Variants in DLGAP2 observed in about 807,000 individuals in gnomAD.
The protein encoded by DLGAP2 is DLG associated protein 2, also known as disks large-associated protein 2.
In DLGAP2, 26 loss-of-function variants were observed where a neutral mutation model predicts 100.3. The observed-to-expected ratio is 0.26, with a 90% CI of 0.19 to 0.36. The LOEUF (loss-of-function observed/expected upper bound fraction) is 0.36. Ranked by LOEUF, DLGAP2 falls within the 10% of genes least tolerant of loss-of-function variation. The pLI, the probability that DLGAP2 is intolerant of heterozygous loss-of-function variation, is 1.00. For missense variants in DLGAP2, 1,858 were observed against 1,453.2 expected (o/e 1.28, Z -4.53); for synonymous variants, 886 against 630.1 (o/e 1.41, Z -6.08).
At chr8:1,286,858 C>T (rs1287155008) in intron 3 of DLGAP2, among the ~76,000 whole-genome samples, 1 of 152,202 alleles carries the variant, frequency 6.6e-6, no homozygotes, top group Non-Finnish European at 1.5e-5. Context: ...ACTTGATTTG[C>T]ACAAGTGCAT....
At chr8:1,429,486 A>G (rs905353465) in intron 3 of DLGAP2, among the ~76,000 whole-genome samples, 1 of 152,172 alleles carries the variant, frequency 6.6e-6, no homozygotes, top group African/African-American at 2.4e-5. Context: ...TAAGAGATAC[A>G]AAAGGCTGGG....
intron 2 of DLGAP2, among the ~76,000 whole-genome samples, chr8:1,142,065 C>CTT (rs1796530384): frequency 8.4e-6 from 1 of 118,516 alleles, no homozygotes; most frequent in African/African-American, 2.8e-5. Context: ...ATTCTGCCTA[C>CTT]GTATATAAGT....
chr8:1,515,164 T>C (rs1800321643), intron 4 of DLGAP2, among the ~76,000 whole-genome samples: 1 of 152,124 alleles, frequency 6.6e-6, no homozygotes, highest in Non-Finnish European at 1.5e-5. Context: ...GAAGGCAGCC[T>C]TGGAAATCAC....
intron 2 of DLGAP2, among the ~76,000 whole-genome samples, chr8:1,195,030 C>T (rs1432112004): frequency 1.3e-5 from 2 of 152,242 alleles, no homozygotes; most frequent in Non-Finnish European, 2.9e-5. Flanking sequence ...GAAGCTTGGG[C>T]ACACTTTGTT....
At chr8:1,467,265 C>T (rs1041289214) in intron 3 of DLGAP2, among the ~76,000 whole-genome samples, 14 of 152,022 alleles carry the variant, frequency 9.2e-5, no homozygotes, top group African/African-American at 3.4e-4. Flanking sequence ...TCCCCCCAGC[C>T]CCACTGCACC....
intron 3 of DLGAP2, among the ~76,000 whole-genome samples, chr8:1,419,192 ACT>A (rs1357767480): frequency 7.8e-6 from 1 of 128,770 alleles, no homozygotes; most frequent in African/African-American, 2.9e-5. Flanking sequence ...ACTGTGTTAC[ACT>A]CTGATGCGTG....
chr8:976,568 C>T (rs536093332), intron 2 of DLGAP2, among the ~76,000 whole-genome samples: 50 of 152,004 alleles, frequency 3.3e-4, no homozygotes, highest in Non-Finnish European at 5.7e-4. Flanking sequence ...GGCGAGATTG[C>T]GCCACTGCTC....
At chr8:1,081,943 G>T (rs960765439) in intron 2 of DLGAP2, among the ~76,000 whole-genome samples, 1 of 152,124 alleles carries the variant, frequency 6.6e-6, no homozygotes, top group Admixed American at 6.5e-5. Context: ...CCAGGAAAAT[G>T]CCCCCTAAGT....
At position 1,384,859 on chromosome 8, in the gene DLGAP2, AC is replaced by A. The variant is rs1404220032; in HGVS notation, c.107-116506del. Among the ~76,000 whole-genome samples, 195 of 21,606 alleles carry A rather than the reference AC, an allele frequency of 9.0e-3. 42 individuals carry two copies. Among genetic ancestry groups the A allele is most frequent in the East Asian group, 0.039 (4 of 102 alleles). 14.2% of individuals were successfully genotyped at this position (21,606 alleles called of 152,430 possible). ...CCCGGCCTATGCCCGTCCCCTGAGA[AC>A]TTGGTGCACAGTTACCCCGGTCTGT... On this transcript the variant is annotated intron_variant, in intron 3 of 14. Coordinates refer to ENST00000637795, the MANE Select transcript of DLGAP2 (RefSeq NM_001346810.2).
chr8:1,462,877 A>T (rs4484724), intron 3 of DLGAP2, among the ~76,000 whole-genome samples: 3 of 152,078 alleles, frequency 2.0e-5, no homozygotes, highest in Non-Finnish European at 2.9e-5. Flanking sequence ...TAGTTCAAGA[A>T]GGAAATGTTA....
At chr8:880,992 T>C (rs750428864) in intron 1 of DLGAP2, among the ~76,000 whole-genome samples, 1 of 152,194 alleles carries the variant, frequency 6.6e-6, no homozygotes, top group Non-Finnish European at 1.5e-5. Flanking sequence ...GCACAACAGC[T>C]CATGCTTGAT....
intron 6 of DLGAP2, among the ~76,000 whole-genome samples, chr8:1,611,239 G>A (rs1232706428): frequency 1.0e-4 from 12 of 119,772 alleles, no homozygotes; most frequent in South Asian, 3.1e-4. Flanking sequence ...TTCAATATAC[G>A]CAAATCAATA....
intron 3 of DLGAP2, among the ~76,000 whole-genome samples, chr8:1,454,735 G>C (rs1798256575): frequency 1.3e-5 from 2 of 152,174 alleles, no homozygotes; most frequent in African/African-American, 4.8e-5. Context: ...GTGGTTCAAG[G>C]TCATGAGCAG....
chr8:1,047,365 T>A (rs991618947), intron 2 of DLGAP2, among the ~76,000 whole-genome samples: 2 of 152,214 alleles, frequency 1.3e-5, no homozygotes, highest in African/African-American at 4.8e-5. Flanking sequence ...ATTTTGGAAT[T>A]TTTTTTGGAT....
At chr8:1,666,679 C>CA (rs1242127349) in intron 8 of DLGAP2, among the ~76,000 whole-genome samples, 2,108 of 122,390 alleles carry the variant, frequency 0.017, 40 homozygotes, top group African/African-American at 0.053. Flanking sequence ...GACTCCATCT[C>CA]AAAAAAAAAA....
intron 1 of DLGAP2, among the ~76,000 whole-genome samples, chr8:778,676 C>T (rs1426944559): frequency 6.6e-6 from 1 of 152,236 alleles, no homozygotes; most frequent in Non-Finnish European, 1.5e-5. Flanking sequence ...CAGGCACCCA[C>T]TTGAGGAGGC....
intron 6 of DLGAP2, among the ~76,000 whole-genome samples, chr8:1,616,157 A>G (rs1484919197): frequency 1.3e-5 from 2 of 152,198 alleles, no homozygotes; most frequent in Admixed American, 6.5e-5. Context: ...GAGAGCAGGA[A>G]AAAAGCTTAG....
At chr8:916,638 C>T (rs1348725449) in intron 2 of DLGAP2, among the ~76,000 whole-genome samples, 1 of 151,984 alleles carries the variant, frequency 6.6e-6, no homozygotes, top group Non-Finnish European at 1.5e-5. Flanking sequence ...CACATGTACC[C>T]TAGAACTTAA....
intron 2 of DLGAP2, among the ~76,000 whole-genome samples, chr8:980,125 T>A (rs893026189): frequency 6.6e-6 from 1 of 151,768 alleles, no homozygotes; most frequent in African/African-American, 2.4e-5. Flanking sequence ...ATTCCGGGAG[T>A]CAGGAGTGAC....
Sources: allele counts gnomAD v4.1 joint callset (sites outside exome capture counted in the v4.1 genomes callset), GRCh38; gene constraint gnomAD v4.1.1; transcripts MANE v1.5; gene names NCBI Gene and HGNC (gene_info 2026-07-23, HGNC 2026-07-21).